Variants in HSPG2 observed in about 807,000 individuals in gnomAD.
HSPG2 encodes the protein basement membrane-specific heparan sulfate proteoglycan core protein.
A neutral mutation model predicts 526.6 loss-of-function variants in HSPG2; 278 were observed. That is an observed-to-expected ratio of 0.53 (90% CI 0.48 to 0.58). The LOEUF (loss-of-function observed/expected upper bound fraction) is 0.58. HSPG2 is among the 20% of genes least tolerant of loss of function. The probability of loss-of-function intolerance (pLI) is 0.00; values close to 1 mark genes in which losing one functional copy is unlikely to be tolerated. For synonymous variants in HSPG2, 2,465 were observed against 2,555.4 expected (o/e 0.96, Z 1.07); for missense variants, 5,354 against 6,099.5 (o/e 0.88, Z 4.07).
chr1:21,879,382 C>T (rs1641332824), intron 17 of HSPG2, among the ~76,000 whole-genome samples: 1 of 152,190 alleles, frequency 6.6e-6, no homozygotes, highest in African/African-American at 2.4e-5. Context: ...ACCCACTGGC[C>T]AGTTCTGCTC....
At chr1:21,838,180 A>T (rs2098034697) in intron 74 of HSPG2, among the ~76,000 whole-genome samples, 1 of 151,772 alleles carries the variant, frequency 6.6e-6, no homozygotes, top group Non-Finnish European at 1.5e-5. Flanking sequence ...AGGCTCAAAA[A>T]GGTTCAGTGA....
In HSPG2 at chr1:21,918,333, C is replaced by T. The variant is rs1018649481; in HGVS notation, c.63+18822G>A. Among the ~76,000 whole-genome samples the T allele has an allele frequency of 2.6e-5, 4 of 152,178 alleles. No homozygotes were observed. The East Asian group carries it at 5.8e-4, about 22-fold the overall frequency. On this transcript the variant is annotated intron_variant, in intron 1 of 96. Coordinates refer to ENST00000374695, the MANE Select transcript of HSPG2 (RefSeq NM_005529.7). ...TACAAAAATTAGCAGGGTGTGGTGGCGCACACCTGTAGTCCCAGCTTCTTG... is the reference window on the plus strand; with the variant it reads ...TACAAAAATTAGCAGGGTGTGGTGGTGCACACCTGTAGTCCCAGCTTCTTG...
intron 9 of HSPG2, among the ~76,000 whole-genome samples, chr1:21,886,025 G>A (rs1003657655): frequency 4.6e-5 from 7 of 152,252 alleles, no homozygotes; most frequent in Admixed American, 2.6e-4. Context: ...GCTTGAGAGA[G>A]ACACAGACAG....
intron 84 of HSPG2, 47 bp from the exon 85 acceptor site, chr1:21,831,137 C>A: frequency 1.2e-6 from 2 of 1,604,620 alleles, no homozygotes; most frequent in South Asian, 1.1e-5. Flanking sequence ...TCAGTACCCC[C>A]CATAATCCCC....
chr1:21,831,398 C>T, intron 83 of HSPG2, 65 bp downstream of exon 83: 2 of 1,603,150 alleles, frequency 1.2e-6, no homozygotes, highest in Non-Finnish European at 1.7e-6. Context: ...CTCCCAGGCT[C>T]TCCAGGGCTC....
At chr1:21,825,071 T>C in intron 91 of HSPG2, 1 of 474,026 alleles carries the variant, frequency 2.1e-6, no homozygotes, top group East Asian at 4.1e-5. Flanking sequence ...TTGTTACTAG[T>C]ATTTGCTTAT....
chr1:21,851,936 C>T lies in HSPG2; in HGVS notation c.6871-10G>A, dbSNP rs1342636987. On this transcript the variant is annotated splice_polypyrimidine_tract_variant and intron_variant, in intron 53 of 96. Coordinates refer to ENST00000374695, the MANE Select transcript of HSPG2 (RefSeq NM_005529.7). Reference sequence around the variant, plus strand: ...GGCGGGAGCCACGAACCTGGGCAGCCGTGGGCAGAGGTGTGAGGGGGGCTT... The same window carrying T: ...GGCGGGAGCCACGAACCTGGGCAGCTGTGGGCAGAGGTGTGAGGGGGGCTT... 3.7e-6 allele frequency: 6 copies of T among 1,602,442 alleles called. No homozygotes were observed. The highest frequency in any genetic ancestry group is 1.7e-5 in the Admixed American group (1 of 58,000).
rs1382975752 is a variant in HSPG2, at chr1:21,887,395, C to T, written c.958+25G>A. On this transcript the variant is annotated intron_variant, in intron 8 of 96. Coordinates refer to ENST00000374695, the MANE Select transcript of HSPG2 (RefSeq NM_005529.7). The surrounding 1 kb of genome is among the most constrained non-coding windows in gnomAD (Gnocchi z 5.0). The stretch of plus-strand genomic sequence containing the variant: ...GGGCCAGCTTCCTGCTCCCCGCACC[C>T]ACCTGCACCCCTGCCGGTGCGCACC... 6.2e-7 allele frequency: 1 copy of T among 1,613,958 alleles called. No homozygotes were observed. Among genetic ancestry groups the T allele is most frequent in the Non-Finnish European group, 8.5e-7 (1 of 1,179,938 alleles).
chr1:21,921,117 G>C (rs1569611712), intron 1 of HSPG2, among the ~76,000 whole-genome samples: 1 of 152,164 alleles, frequency 6.6e-6, no homozygotes, highest in African/African-American at 2.4e-5. Context: ...CCAGTGGCTC[G>C]CTGCCATTGC....
chr1:21,896,367 G>C lies in HSPG2; in HGVS notation c.64-57C>G. 1.9e-6 allele frequency: 3 copies of C among 1,599,624 alleles called. No individual in the cohort carries two copies. In the South Asian group the frequency reaches 3.3e-5, roughly 18 times the overall value. ...CTCTCCAGCTCCCACTGAGCCCCAC[G>C]GTCCTTCCCCTCACTTCCAGGGGGA... On this transcript the variant is annotated intron_variant, in intron 1 of 96. Coordinates refer to ENST00000374695, the MANE Select transcript of HSPG2 (RefSeq NM_005529.7).
At chr1:21,846,886 GC>G (rs1638477858) in intron 62 of HSPG2, among the ~76,000 whole-genome samples, 1 of 152,116 alleles carries the variant, frequency 6.6e-6, no homozygotes, top group African/African-American at 2.4e-5. Context: ...TGTAGTCTCA[GC>G]TACTCGGGAA....
chr1:21,881,249 C>G, intron 14 of HSPG2, 90 bp downstream of exon 14: 4 of 1,487,418 alleles, frequency 2.7e-6, no homozygotes, highest in Non-Finnish European at 3.8e-6. Flanking sequence ...ACCTTTCCCT[C>G]CAAGTCTGCC....
intron 1 of HSPG2, among the ~76,000 whole-genome samples, chr1:21,926,585 T>G (rs536183400): frequency 7.9e-4 from 120 of 151,808 alleles, no homozygotes; most frequent in Non-Finnish European, 1.6e-3. Context: ...AAAGCCTGTC[T>G]CTACTAAAAA....
At chr1:21,910,512 A>T (rs753874802) in intron 1 of HSPG2, among the ~76,000 whole-genome samples, 2 of 152,198 alleles carry the variant, frequency 1.3e-5, no homozygotes, top group Admixed American at 6.5e-5. Context: ...TATGGATGTG[A>T]ATCCCAGTGT....
At position 21,923,820 on chromosome 1, in the gene HSPG2, C is replaced by T. The variant is rs116148944; in HGVS notation, c.63+13335G>A. ...GGTGTTTAGATCCAACACAAGGCCT[C>T]GCATACCGCTGTCACTCCGAGAATG... is the stretch of plus-strand genomic sequence containing the variant. On this transcript the variant is annotated intron_variant, in intron 1 of 96. Coordinates refer to ENST00000374695, the MANE Select transcript of HSPG2 (RefSeq NM_005529.7). Among the ~76,000 whole-genome samples, 148 of 152,300 alleles carry T rather than the reference C, an allele frequency of 9.7e-4. 1 individual carries two copies. The highest frequency in any genetic ancestry group is 3.3e-3 in the African/African-American group (139 of 41,560).
At position 21,839,937 on chromosome 1, in the gene HSPG2, C is replaced by T. The variant is rs1460932486; in HGVS notation, c.9594G>A (p.Val3198=). 3.2e-5 allele frequency: 52 copies of T among 1,614,066 alleles called. No individual in the cohort carries two copies. Among genetic ancestry groups the T allele is most frequent in the Non-Finnish European group, 4.2e-5 (50 of 1,180,046 alleles). ...QNALGTAQKQ[V]EVIVDTGAMA... is the part of the protein sequence containing the mutation. Reference sequence around the variant, plus strand: ...TGGCGCCCGTGTCCACGATCACCTCCACCTGCTTCTGTGCTGTGCCTAGTG... The same window carrying T: ...TGGCGCCCGTGTCCACGATCACCTCTACCTGCTTCTGTGCTGTGCCTAGTG... The change falls in exon 72 of 97, where the codon GTG becomes GTA. Residue 3198 remains valine (V), a synonymous_variant. Transcript: ENST00000374695. This position sits in a 1 kb window ranked among gnomAD's most constrained non-coding sequence, Gnocchi z 4.5.
At chr1:21,914,098 A>G (rs914841423) in intron 1 of HSPG2, among the ~76,000 whole-genome samples, 1 of 152,186 alleles carries the variant, frequency 6.6e-6, no homozygotes, top group African/African-American at 2.4e-5. Flanking sequence ...GGGGGAAAAA[A>G]CAGTAATCAT....
At position 21,831,574 on chromosome 1, in the gene HSPG2, G is replaced by A; in HGVS notation, c.11353-12C>T. The A allele has an allele frequency of 1.9e-6, 3 of 1,614,052 alleles. No homozygotes were observed. Among genetic ancestry groups the A allele is most frequent in the South Asian group, 1.1e-5 (1 of 91,078 alleles). ...CCCTGGAACTTGCCCTGGGGAGGTGGGGAAGTCAGGAATGGCAACAGAGGC... is the reference window on the plus strand; with the variant it reads ...CCCTGGAACTTGCCCTGGGGAGGTGAGGAAGTCAGGAATGGCAACAGAGGC... On this transcript the variant is annotated splice_polypyrimidine_tract_variant and intron_variant, in intron 82 of 96. Coordinates refer to ENST00000374695, the MANE Select transcript of HSPG2 (RefSeq NM_005529.7).
At chr1:21,854,548 G>T in intron 49 of HSPG2, 63 bp downstream of exon 49, 1 of 1,510,484 alleles carries the variant, frequency 6.6e-7, no homozygotes, top group African/African-American at 1.4e-5. Context: ...CAGCGTACAG[G>T]CCCCGCCTCC....
Sources: gnomAD v4.1 joint callset for allele counts (sites outside exome capture counted in the v4.1 genomes callset) on GRCh38, gnomAD v4.1.1 for gene constraint, Gnocchi (gnomAD v3.1) non-coding constraint, MANE v1.5 for transcripts, NCBI Gene and HGNC (gene_info 2026-07-23, HGNC 2026-07-21) for gene names.